PRKN: variants seen among roughly 807,000 people sequenced by gnomAD.
The protein encoded by PRKN is E3 ubiquitin-protein ligase parkin.
Under a neutral mutation model 59.5 loss-of-function variants are expected in PRKN, and 56 were observed. The ratio of observed to expected loss-of-function variants is 0.94; its 90% CI spans 0.76 to 1.18. The LOEUF (loss-of-function observed/expected upper bound fraction) is 1.18. Ranked by LOEUF, PRKN falls within the 50% of genes most tolerant of loss-of-function variation. The pLI is 0.00. For synonymous variants in PRKN, 250 were observed against 222.1 expected (o/e 1.13, Z -1.12); for missense variants, 657 against 596.4 (o/e 1.10, Z -1.06).
In PRKN at chr6:161,503,199, G is replaced by A. The variant is rs907065207; in HGVS notation, c.1083+45655C>T. ...GATCTGGAAGGCCTGGGTGCTACTT[G>A]TAATACTAGATTGACTAAAAGGAGG... is the stretch of plus-strand genomic sequence containing the variant. On this transcript the variant is annotated intron_variant, in intron 9 of 11. Coordinates refer to ENST00000366898, the MANE Select transcript of PRKN (RefSeq NM_004562.3). The surrounding 1 kb of genome is among the most constrained non-coding windows in gnomAD (Gnocchi z 5.1). 6.6e-6 allele frequency among the ~76,000 whole-genome samples: 1 copy of A among 152,114 alleles called. No individual in the cohort carries two copies. Among genetic ancestry groups the A allele is most frequent in the Admixed American group, 6.5e-5 (1 of 15,270 alleles).
chr6:162,442,733 AT>A (rs1790118352), intron 2 of PRKN, among the ~76,000 whole-genome samples: 1 of 152,170 alleles, frequency 6.6e-6, no homozygotes, highest in Non-Finnish European at 1.5e-5. Context: ...ATGCAAAGGT[AT>A]ACTGTTGTTG....
In PRKN at chr6:161,352,961, G is replaced by A. The variant is rs1028954513; in HGVS notation, c.1286-2750C>T. 6.6e-6 allele frequency among the ~76,000 whole-genome samples: 1 copy of A among 151,718 alleles called. No homozygotes were observed. Among genetic ancestry groups the A allele is most frequent in the African/African-American group, 2.4e-5 (1 of 41,246 alleles). ...CGCCTGGCTAAATTTTGTATTTTTA[G>A]TAGAGACGGGGTTTCACCATGTTGA... On this transcript the variant is annotated intron_variant, in intron 11 of 11. Coordinates refer to ENST00000366898, the MANE Select transcript of PRKN (RefSeq NM_004562.3). This position sits in a 1 kb window ranked among gnomAD's most constrained non-coding sequence, Gnocchi z 5.8.
chr6:161,861,025 T>C (rs2128224558), intron 6 of PRKN, among the ~76,000 whole-genome samples: 1 of 152,364 alleles, frequency 6.6e-6, no homozygotes, highest in South Asian at 2.1e-4. Flanking sequence ...AGTGTGGCGA[T>C]TCCTCAATCA....
chr6:162,722,840 A>C (rs1778986325), intron 1 of PRKN, among the ~76,000 whole-genome samples: 1 of 152,192 alleles, frequency 6.6e-6, no homozygotes, highest in Admixed American at 6.5e-5. Context: ...CCAAAATTGT[A>C]AAGGGCAAAG....
At chr6:161,455,188 G>A (rs1161967891) in intron 9 of PRKN, among the ~76,000 whole-genome samples, 2 of 151,938 alleles carry the variant, frequency 1.3e-5, no homozygotes, top group Non-Finnish European at 2.9e-5. Context: ...ACAGGCGCCT[G>A]CCACCATGCC....
Position 162,601,526 on chromosome 6 carries a change from T to A in PRKN, c.7+126136A>T, listed in dbSNP as rs188841881. Reference sequence around the variant, plus strand: ...TTGCACAAGTACTTCCGTGGACATATGTTTTCGTTTCTTTTAGGTTAGAGA... The same window carrying A: ...TTGCACAAGTACTTCCGTGGACATAAGTTTTCGTTTCTTTTAGGTTAGAGA... On this transcript the variant is annotated intron_variant, in intron 1 of 11. Coordinates refer to ENST00000366898, the MANE Select transcript of PRKN (RefSeq NM_004562.3). 4.8e-3 allele frequency among the ~76,000 whole-genome samples: 733 copies of A among 152,274 alleles called. 18 individuals carry two copies. Among genetic ancestry groups the A allele is most frequent in the Admixed American group, 0.042 (640 of 15,282 alleles).
intron 1 of PRKN, among the ~76,000 whole-genome samples, chr6:162,679,162 C>A (rs1437775008): frequency 6.6e-6 from 1 of 151,594 alleles, no homozygotes; most frequent in Non-Finnish European, 1.5e-5. Flanking sequence ...TGCAATGGTG[C>A]AATCTCGCCT....
chr6:161,490,464 C>T (rs1777513248), intron 9 of PRKN, among the ~76,000 whole-genome samples: 2 of 149,624 alleles, frequency 1.3e-5, no homozygotes, highest in Admixed American at 1.3e-4. Context: ...AATCTCAGCT[C>T]ACTGCAACAT....
At chr6:162,692,867 C>A (rs1174176673) in intron 1 of PRKN, among the ~76,000 whole-genome samples, 1 of 152,026 alleles carries the variant, frequency 6.6e-6, no homozygotes, top group East Asian at 1.9e-4. Context: ...ATCACTGAAC[C>A]CGAGAGACAA....
intron 6 of PRKN, among the ~76,000 whole-genome samples, chr6:161,873,147 C>G (rs1794413373): frequency 6.6e-6 from 1 of 151,888 alleles, no homozygotes; most frequent in South Asian, 2.1e-4. Context: ...TCCCCCAAAC[C>G]TCCACTCACA....
chr6:161,962,554 T>G (rs1241013882), intron 6 of PRKN, among the ~76,000 whole-genome samples: 1 of 151,362 alleles, frequency 6.6e-6, no homozygotes, highest in African/African-American at 2.4e-5. Context: ...TTTTTTTTTT[T>G]TTTTGAGACG....
chr6:162,431,848 T>C (rs1389975165), intron 2 of PRKN, among the ~76,000 whole-genome samples: 4 of 152,182 alleles, frequency 2.6e-5, no homozygotes, highest in Admixed American at 2.6e-4. Flanking sequence ...ATGCAAAATC[T>C]ATAGGTATGT....
At chr6:162,124,240 G>A (rs1781033295) in intron 4 of PRKN, among the ~76,000 whole-genome samples, 1 of 152,106 alleles carries the variant, frequency 6.6e-6, no homozygotes, top group South Asian at 2.1e-4. Context: ...GGGCTGGTGG[G>A]AGCTTCTTAC....
chr6:161,570,933 G>T (rs1780863779), intron 7 of PRKN, among the ~76,000 whole-genome samples: 1 of 152,102 alleles, frequency 6.6e-6, no homozygotes, highest in African/African-American at 2.4e-5. Context: ...ATATTAGGTT[G>T]TAGTCATTTA....
intron 1 of PRKN, among the ~76,000 whole-genome samples, chr6:162,584,052 A>C (rs949618084): frequency 2.6e-5 from 4 of 151,902 alleles, no homozygotes; most frequent in African/African-American, 4.8e-5. Flanking sequence ...TCTCTACTAA[A>C]AATACAAAAA....
At chr6:162,132,892 A>G (rs537626907) in intron 4 of PRKN, among the ~76,000 whole-genome samples, 414 of 152,330 alleles carry the variant, frequency 2.7e-3, no homozygotes, top group African/African-American at 9.6e-3. Context: ...CCTTCCAGGC[A>G]GAAAGAACAG....
chr6:162,602,199 A>C (rs1291833149), intron 1 of PRKN, among the ~76,000 whole-genome samples: 1 of 152,200 alleles, frequency 6.6e-6, no homozygotes, highest in Admixed American at 6.5e-5. Context: ...AACCTCTGGG[A>C]GCACCCTGGG....
rs1328702676 is a variant in PRKN at position 161,459,559 on chromosome 6, C to T, written c.1084-72682G>A. ...CTGTTCACAGGAATGCCTAGAGCTT[C>T]TGGCACACAGGGTAGCAGGCCTTCC... On this transcript the variant is annotated intron_variant, in intron 9 of 11. Transcript: ENST00000366898. The surrounding 1 kb of genome is among the most constrained non-coding windows in gnomAD (Gnocchi z 4.8). 1.3e-5 allele frequency among the ~76,000 whole-genome samples: 2 copies of T among 152,196 alleles called. No homozygotes were observed. The highest frequency in any genetic ancestry group is 2.9e-5 in the Non-Finnish European group (2 of 68,034).
chr6:161,937,537 G>T (rs932726076), intron 6 of PRKN, among the ~76,000 whole-genome samples: 1 of 152,172 alleles, frequency 6.6e-6, no homozygotes, highest in Non-Finnish European at 1.5e-5. Context: ...CAGTTTCAGA[G>T]ATTTTTGGAA....
Sources: allele counts gnomAD v4.1 joint callset (sites outside exome capture counted in the v4.1 genomes callset), GRCh38; gene constraint gnomAD v4.1.1; non-coding constraint Gnocchi (gnomAD v3.1); transcripts MANE v1.5; gene names NCBI Gene and HGNC (gene_info 2026-07-23, HGNC 2026-07-21).